The following NRXN3 variants were observed in gnomAD, a reference collection of about 807,000 sequenced individuals.
NRXN3 encodes the protein neurexin III.
Under a neutral mutation model 137.6 loss-of-function variants are expected in NRXN3, and 32 were observed. The observed-to-expected ratio is 0.23, with a 90% confidence interval of 0.18 to 0.31. The LOEUF (loss-of-function observed/expected upper bound fraction) is 0.31. Among genes scored for constraint, NRXN3 ranks in the 10% least tolerant of loss-of-function variants. NRXN3 has a pLI of 1.00. For missense variants in NRXN3, 1,574 were observed against 2,062.5 expected (o/e 0.76, Z 4.59); for synonymous variants, 798 against 784.5 (o/e 1.02, Z -0.29).
chr14:78,757,190 C>T (rs527372409), intron 8 of NRXN3, among the ~76,000 whole-genome samples: 1 of 152,082 alleles, frequency 6.6e-6, no homozygotes, highest in Non-Finnish European at 1.5e-5. Flanking sequence ...GGCAGACTGC[C>T]TGAGCTCAGG....
chr14:78,208,055 G>A (rs1288393505), intron 1 of NRXN3, among the ~76,000 whole-genome samples: 1 of 152,052 alleles, frequency 6.6e-6, no homozygotes, highest in African/African-American at 2.4e-5. Flanking sequence ...AGCATAGGTG[G>A]GTTATATAAT....
chr14:79,174,075 T>C (rs2153103258), intron 15 of NRXN3, among the ~76,000 whole-genome samples: 1 of 152,286 alleles, frequency 6.6e-6, no homozygotes, highest in East Asian at 1.9e-4. Flanking sequence ...TCTGGGCATA[T>C]TTGCAACTTT....
At chr14:78,615,632 A>G (rs2097340531) in intron 4 of NRXN3, among the ~76,000 whole-genome samples, 1 of 151,336 alleles carries the variant, frequency 6.6e-6, no homozygotes, top group African/African-American at 2.4e-5. Flanking sequence ...CAACAACAAT[A>G]ACCAAAAAAA....
rs1376138874 is a variant in NRXN3, at chr14:79,227,795, T to TTCCC, written c.3263-239423_3263-239422insCTCC. Among the ~76,000 whole-genome samples, 250 of 30,570 alleles carry TTCCC rather than the reference T, an allele frequency of 8.2e-3. 1 individual carries two copies. The highest frequency in any genetic ancestry group is 0.018 in the Middle Eastern group (1 of 56). 20.1% of individuals were successfully genotyped at this position (30,570 alleles called of 152,430 possible). On this transcript the variant is annotated intron_variant, in intron 15 of 20. Transcript: ENST00000335750. ...CTTCCTTCCTTCCTTCCCTCCTCCC[T>TTCCC]TCCTCCCTTCCTCCCTCCCTTCCTC...
chr14:79,120,384 C>A (rs2055196368), intron 15 of NRXN3, among the ~76,000 whole-genome samples: 1 of 151,922 alleles, frequency 6.6e-6, no homozygotes, highest in African/African-American at 2.4e-5. Flanking sequence ...TGAGTTCACA[C>A]TGAGAAGTGT....
chr14:79,480,353 C>T (rs1375748757), intron 16 of NRXN3, among the ~76,000 whole-genome samples: 1 of 152,078 alleles, frequency 6.6e-6, no homozygotes, highest in Non-Finnish European at 1.5e-5. Context: ...AGCTTAAATT[C>T]AATACTAGAG....
chr14:79,843,882 A>G (rs1000219095), intron 20 of NRXN3, among the ~76,000 whole-genome samples: 5 of 152,104 alleles, frequency 3.3e-5, no homozygotes, highest in South Asian at 2.1e-4. Flanking sequence ...TACCCAATAT[A>G]TAGTCTTTTA....
chr14:79,480,549 G>A (rs1600913884), intron 16 of NRXN3, among the ~76,000 whole-genome samples: 1 of 152,136 alleles, frequency 6.6e-6, no homozygotes, highest in Non-Finnish European at 1.5e-5. Context: ...ATACACTTAC[G>A]TAAGATGCAG....
intron 15 of NRXN3, among the ~76,000 whole-genome samples, chr14:79,442,133 G>C (rs2095974458): frequency 6.6e-6 from 1 of 152,070 alleles, no homozygotes; most frequent in South Asian, 2.1e-4. Flanking sequence ...TGTAATGACA[G>C]AACAAGGAGA....
chr14:78,211,611 G>A (rs1409518725), intron 1 of NRXN3, among the ~76,000 whole-genome samples: 2 of 152,214 alleles, frequency 1.3e-5, no homozygotes, highest in African/African-American at 2.4e-5. Flanking sequence ...TGTCTATAAC[G>A]ATGCTTAATT....
intron 19 of NRXN3, among the ~76,000 whole-genome samples, chr14:79,709,768 A>T (rs1216582182): frequency 1.3e-5 from 2 of 152,190 alleles, no homozygotes; most frequent in Non-Finnish European, 2.9e-5. Context: ...TGTTCTCATG[A>T]TTAATGCCCT....
intron 15 of NRXN3, among the ~76,000 whole-genome samples, chr14:79,382,690 C>A (rs2094503790): frequency 6.6e-6 from 1 of 151,972 alleles, no homozygotes. Context: ...GACTAGGGAG[C>A]CGGAAAGCAA....
At chr14:78,967,525 C>A in intron 13 of NRXN3, 127 bp downstream of exon 13, 1 of 688,454 alleles carries the variant, frequency 1.5e-6, no homozygotes, top group Non-Finnish European at 2.5e-6. Context: ...CCTGTTTTAA[C>A]AATGTTGAAT....
intron 15 of NRXN3, among the ~76,000 whole-genome samples, chr14:79,022,123 G>A (rs998060138): frequency 6.6e-6 from 1 of 152,140 alleles, no homozygotes; most frequent in African/African-American, 2.4e-5. Flanking sequence ...GTTAACTTCG[G>A]AAATATTGTG....
intron 4 of NRXN3, among the ~76,000 whole-genome samples, chr14:78,543,091 A>G (rs1285307357): frequency 5.3e-5 from 8 of 152,088 alleles, no homozygotes; most frequent in Non-Finnish European, 1.2e-4. Flanking sequence ...CTCAGACTTT[A>G]TAGTGTTGGT....
intron 16 of NRXN3, among the ~76,000 whole-genome samples, chr14:79,502,522 A>G (rs1033469604): frequency 7.1e-6 from 1 of 140,746 alleles, no homozygotes; most frequent in African/African-American, 2.6e-5. Context: ...CACACCCCCC[A>G]CCCCACCTCC....
At chr14:79,011,236 A>G (rs913786808) in intron 15 of NRXN3, among the ~76,000 whole-genome samples, 5 of 152,120 alleles carry the variant, frequency 3.3e-5, no homozygotes, top group Non-Finnish European at 7.4e-5. Context: ...ACACTGAGAG[A>G]CTGGAGATCC....
intron 15 of NRXN3, among the ~76,000 whole-genome samples, chr14:79,438,863 G>T (rs369928242): frequency 6.6e-6 from 1 of 152,202 alleles, no homozygotes; most frequent in African/African-American, 2.4e-5. Flanking sequence ...GTAGAAGCCC[G>T]ATGACTTCAC....
intron 15 of NRXN3, among the ~76,000 whole-genome samples, chr14:79,092,197 G>A (rs1454869180): frequency 6.6e-6 from 1 of 152,114 alleles, no homozygotes; most frequent in East Asian, 1.9e-4. Context: ...CGTTTGAAAC[G>A]GGATCACAGT....
Sources: allele counts gnomAD v4.1 joint callset (sites outside exome capture counted in the v4.1 genomes callset), GRCh38; gene constraint gnomAD v4.1.1; transcripts MANE v1.5; gene names NCBI Gene and HGNC (gene_info 2026-07-23, HGNC 2026-07-21).